TUFT1: variants seen among roughly 807,000 people sequenced by gnomAD.
TUFT1 encodes tuftelin 1, also known as tuftelin.
A neutral mutation model predicts 57.8 loss-of-function variants in TUFT1; 43 were observed. That is an observed-to-expected ratio of 0.74 (90% confidence interval 0.58 to 0.96). The LOEUF (loss-of-function observed/expected upper bound fraction) is 0.96, where lower values mean the gene tolerates loss of function less well. TUFT1 is among the 40% of genes least tolerant of loss of function. The pLI, the probability that TUFT1 is intolerant of heterozygous loss-of-function variation, is 0.00. For synonymous variants in TUFT1, 166 were observed against 176.7 expected, an observed-to-expected ratio of 0.94 and a Z score of 0.48; for missense variants, 459 against 489.0, an observed-to-expected ratio of 0.94 and a Z score of 0.58.
chr1:151,540,524 G>C lies in TUFT1; in HGVS notation c.60+98G>C, dbSNP rs1249941061. ...GCGCCGTGTTGGCTGACATCACCTG[G>C]TGCCCGGCTCGCGCGGTCAGCCCTG... On this transcript the variant is annotated intron_variant, in intron 1 of 12. Coordinates refer to ENST00000368849, the MANE Select transcript of TUFT1 (RefSeq NM_020127.3). 9.2e-6 allele frequency: 13 copies of C among 1,413,908 alleles called. No homozygotes were observed. The Admixed American group carries it at 2.3e-4, about 25-fold the overall frequency. The allele number at this position is 1,413,908 out of a possible 1,614,324, so 87.6% of individuals were successfully genotyped here. A position where few individuals can be genotyped will look rare whatever the true frequency, so the allele number is the denominator to read the frequency against.
chr1:151,543,373 C>T (rs1309483508), intron 1 of TUFT1, among the ~76,000 whole-genome samples: 11 of 142,514 alleles, frequency 7.7e-5, no homozygotes, highest in Admixed American at 1.4e-4. Flanking sequence ...TATATATGTA[C>T]GTGTTTGTTT....
At chr1:151,546,242 T>C (rs1665334978) in intron 1 of TUFT1, among the ~76,000 whole-genome samples, 1 of 152,154 alleles carries the variant, frequency 6.6e-6, no homozygotes, top group South Asian at 2.1e-4. Context: ...GTGACATTCC[T>C]TTAGGACCTC....
At chr1:151,549,801 C>T (rs1333176313) in intron 1 of TUFT1, among the ~76,000 whole-genome samples, 5 of 152,240 alleles carry the variant, frequency 3.3e-5, no homozygotes, top group South Asian at 4.1e-4. Flanking sequence ...GGCTCACTGC[C>T]GCCTTGACCT....
At chr1:151,570,184 C>T (rs1409228906) in intron 7 of TUFT1, among the ~76,000 whole-genome samples, 3 of 152,140 alleles carry the variant, frequency 2.0e-5, no homozygotes, top group Non-Finnish European at 2.9e-5. Flanking sequence ...GCTTCATAAA[C>T]GTGGACTGGA....
intron 1 of TUFT1, among the ~76,000 whole-genome samples, chr1:151,556,389 C>T (rs1306902668): frequency 6.6e-6 from 1 of 150,942 alleles, no homozygotes; most frequent in Non-Finnish European, 1.5e-5. Context: ...TTTCTCCTCC[C>T]CCTCCCCGTC....
chr1:151,546,292 T>G (rs1665337453), intron 1 of TUFT1, among the ~76,000 whole-genome samples: 1 of 152,170 alleles, frequency 6.6e-6, no homozygotes, highest in Admixed American at 6.5e-5. Context: ...TTCCAGAGCC[T>G]CACTCTCTTT....
intron 2 of TUFT1, 35 bp from the exon 3 acceptor site, chr1:151,562,544 ATCTCTC>A (rs34211422): frequency 5.9e-5 from 83 of 1,397,692 alleles, no homozygotes; most frequent in Admixed American, 2.3e-4. Flanking sequence ...TGTCTGAGCC[ATCTCTC>A]TCTCTCTCTC....
intron 4 of TUFT1, 81 bp downstream of exon 4, chr1:151,564,071 A>T: frequency 8.4e-7 from 1 of 1,192,894 alleles, no homozygotes; most frequent in Non-Finnish European, 1.2e-6. Flanking sequence ...TCTTTTGTGG[A>T]TTCTGGTTTT....
rs769266563 is a variant in TUFT1 at position 151,540,328 on chromosome 1, G to GGTGGACAAGTGGC, written c.-35_-23dup. 6.2e-7 allele frequency: 1 copy of GGTGGACAAGTGGC among 1,613,658 alleles called. No homozygotes were observed. Among genetic ancestry groups the GGTGGACAAGTGGC allele is most frequent in the Admixed American group, 1.7e-5 (1 of 60,012 alleles). The stretch of plus-strand genomic sequence containing the variant: ...CCGCCCAGTTGGAGCCAGACAGCGG[G>GGTGGACAAGTGGC]GTGGACAAGTGGCGTGTGTGCTGCG... On this transcript the variant is annotated 5_prime_UTR_variant, in exon 1 of 13. Coordinates refer to ENST00000368849, the MANE Select transcript of TUFT1 (RefSeq NM_020127.3).
chr1:151,555,197 T>A (rs1464931776), intron 1 of TUFT1, among the ~76,000 whole-genome samples: 1 of 150,746 alleles, frequency 6.6e-6, no homozygotes, highest in Non-Finnish European at 1.5e-5. Flanking sequence ...GCTATGGTGG[T>A]GCACACCTGT....
At chr1:151,550,791 G>A (rs994162208) in intron 1 of TUFT1, among the ~76,000 whole-genome samples, 3 of 152,180 alleles carry the variant, frequency 2.0e-5, no homozygotes, top group Admixed American at 6.5e-5. Context: ...AGCCAGGCAC[G>A]GTGGTGCACG....
intron 4 of TUFT1, 61 bp from the exon 5 acceptor site, chr1:151,564,464 G>T: frequency 1.6e-6 from 2 of 1,287,934 alleles, no homozygotes; most frequent in Non-Finnish European, 2.2e-6. Flanking sequence ...ACAGAGTTGG[G>T]TGAGTTGGCA....
At chr1:151,560,995 T>TGA (rs773229230) in intron 1 of TUFT1, among the ~76,000 whole-genome samples, 13 of 143,798 alleles carry the variant, frequency 9.0e-5, no homozygotes, top group African/African-American at 3.2e-4. Context: ...TGTGTGTGTG[T>TGA]GTGTGTGTGA....
At chr1:151,573,341 G>A (rs1193636047) in intron 7 of TUFT1, among the ~76,000 whole-genome samples, 1 of 152,192 alleles carries the variant, frequency 6.6e-6, no homozygotes, top group Non-Finnish European at 1.5e-5. Context: ...CTGGAAGAAG[G>A]GGCATCTAAG....
chr1:151,545,391 AGC>A (rs1050444257), intron 1 of TUFT1, among the ~76,000 whole-genome samples: 6 of 152,190 alleles, frequency 3.9e-5, no homozygotes, highest in Non-Finnish European at 7.4e-5. Flanking sequence ...GCTTTGCCCA[AGC>A]TCACTTAGGC....
At chr1:151,554,972 G>A (rs1390384299) in intron 1 of TUFT1, among the ~76,000 whole-genome samples, 3 of 148,854 alleles carry the variant, frequency 2.0e-5, no homozygotes, top group Non-Finnish European at 4.5e-5. Flanking sequence ...CCAAAGTGCT[G>A]GGGTTACAGG....
intron 1 of TUFT1, 149 bp downstream of exon 1, chr1:151,540,575 T>G: frequency 1.2e-6 from 1 of 843,856 alleles, no homozygotes; most frequent in East Asian, 2.7e-5. Flanking sequence ...TTTTTATTCT[T>G]TTGCCTGCGA....
chr1:151,578,977 C>G, intron 10 of TUFT1, 151 bp downstream of exon 10: 1 of 615,976 alleles, frequency 1.6e-6, no homozygotes, highest in Non-Finnish European at 2.7e-6. Context: ...TTAGGATTTG[C>G]TTTTCTCCCA....
chr1:151,579,814 G>T, intron 11 of TUFT1, 82 bp downstream of exon 11: 1 of 1,361,440 alleles, frequency 7.3e-7, no homozygotes, highest in South Asian at 1.3e-5. Context: ...TTATGGGAGG[G>T]GTCTTTGTCA....
Sources: allele counts gnomAD v4.1 joint callset (sites outside exome capture counted in the v4.1 genomes callset), GRCh38; gene constraint gnomAD v4.1.1; transcripts MANE v1.5; gene names NCBI Gene and HGNC (gene_info 2026-07-23, HGNC 2026-07-21).